The following AQP9 variants were observed in gnomAD, a reference collection of about 807,000 sequenced individuals.
AQP9 encodes the protein aquaporin 9, also known as aquaporin-9.
AQP9 carries 19 observed loss-of-function variants against 23.8 expected under a neutral mutation model. The ratio of observed to expected loss-of-function variants is 0.80; its 90% confidence interval spans 0.56 to 1.17. The LOEUF (loss-of-function observed/expected upper bound fraction) is 1.17, where lower values mean the gene tolerates loss of function less well. Among genes scored for constraint, AQP9 ranks in the 50% most tolerant of loss-of-function variants. AQP9 has a pLI of 0.00. For synonymous variants in AQP9, 153 were observed against 131.5 expected (o/e 1.16, Z -1.12); for missense variants, 413 against 362.0 (o/e 1.14, Z -1.14).
At chr15:58,182,356 A>T (rs865823519) in intron 5 of AQP9, among the ~76,000 whole-genome samples, 2 of 152,178 alleles carry the variant, frequency 1.3e-5, no homozygotes, top group South Asian at 4.1e-4. Flanking sequence ...GTGTGCATAT[A>T]GGACTAGGCT....
Position 58,138,501 on chromosome 15 carries a change from T to C in AQP9, c.-65T>C. 2.3e-6 allele frequency: 3 copies of C among 1,300,710 alleles called. No individual in the cohort carries two copies. In the South Asian group the frequency reaches 3.8e-5, roughly 16 times the overall value. The allele number at this position is 1,300,710 out of a possible 1,614,324, so 80.6% of individuals were successfully genotyped here. ...GTCAAAACGTCCATTTTCATCTGGC[T>C]GTGAAAGTGAGGACCACAACAGGTA... On this transcript the variant is annotated 5_prime_UTR_variant, in exon 1 of 6. Coordinates refer to ENST00000219919, the MANE Select transcript of AQP9 (RefSeq NM_020980.5).
chr15:58,155,004 T>C lies in AQP9; in HGVS notation c.112-11669T>C, dbSNP rs1898221345. ...CGCACCTGCTAATAAAAATTATTAG[T>C]CATTCATTCATTGATCTTCCCACAC... On this transcript the variant is annotated intron_variant, in intron 1 of 5. Transcript: ENST00000219919. The C allele has an allele frequency of 2.6e-5, 4 of 152,194 alleles. No homozygotes were observed. In the South Asian group the frequency reaches 8.3e-4, roughly 32 times the overall value. The allele number at this position is 152,194 out of a possible 1,614,324, so 9.4% of individuals were successfully genotyped here. A position where few individuals can be genotyped will look rare whatever the true frequency, so the allele number is the denominator to read the frequency against.
At chr15:58,139,384 A>G (rs1369715249) in intron 1 of AQP9, among the ~76,000 whole-genome samples, 2 of 152,204 alleles carry the variant, frequency 1.3e-5, no homozygotes, top group African/African-American at 2.4e-5. Flanking sequence ...TCAGCTATTA[A>G]CAAGAGACTG....
rs201050566 is a variant in AQP9 at position 58,179,277 on chromosome 15, G to A, written c.645G>A (p.Met215Ile). ...TGGGACTGAACAGTGGCTGTGCCAT[G>A]AACCCAGCTCGAGACCTGAGTCCCA... is the stretch of plus-strand genomic sequence containing the variant. ...SSLGLNSGCAMNPARDLSPRL... is the reference protein window; with the variant it reads ...SSLGLNSGCAINPARDLSPRL... The change falls in exon 5 of 6, where the codon ATG becomes ATA. Residue 215 changes from methionine (M) to isoleucine (I), a missense_variant. Coordinates refer to ENST00000219919, the MANE Select transcript of AQP9 (RefSeq NM_020980.5). 5 of 1,614,052 alleles carry A rather than the reference G, an allele frequency of 3.1e-6. No homozygotes were observed. The South Asian group carries it at 4.4e-5, about 14-fold the overall frequency.
chr15:58,171,186 C>T (rs772142306), intron 2 of AQP9, among the ~76,000 whole-genome samples: 1 of 151,746 alleles, frequency 6.6e-6, no homozygotes, highest in African/African-American at 2.4e-5. Flanking sequence ...CTCCTGGGTT[C>T]AAGCAATTAG....
At chr15:58,151,764 T>C (rs1898154564) in intron 1 of AQP9, 1 of 152,148 alleles carries the variant, frequency 6.6e-6, no homozygotes, top group Non-Finnish European at 1.5e-5. Flanking sequence ...AAAATACCTC[T>C]ATATGGACTT....
At chr15:58,171,278 G>A (rs529230439) in intron 2 of AQP9, among the ~76,000 whole-genome samples, 5 of 152,038 alleles carry the variant, frequency 3.3e-5, no homozygotes, top group Middle Eastern at 3.4e-3. Flanking sequence ...TAGTAGAGAC[G>A]GCGTTTCACC....
chr15:58,158,341 T>G (rs1318415276), intron 1 of AQP9, among the ~76,000 whole-genome samples: 1 of 152,186 alleles, frequency 6.6e-6, no homozygotes, highest in Non-Finnish European at 1.5e-5. Flanking sequence ...AAAACAGACC[T>G]GTGATCAAAT....
chr15:58,168,641 C>G (rs1250469561), intron 2 of AQP9, among the ~76,000 whole-genome samples: 1 of 152,156 alleles, frequency 6.6e-6, no homozygotes, highest in Non-Finnish European at 1.5e-5. Flanking sequence ...CAGAACTTTG[C>G]AACCTTGACC....
intron 1 of AQP9, chr15:58,154,945 A>G (rs74401249): frequency 6.6e-6 from 1 of 152,294 alleles, no homozygotes. Flanking sequence ...TTGTATTTCA[A>G]CTATAAGAAC....
intron 1 of AQP9, among the ~76,000 whole-genome samples, chr15:58,160,040 A>G (rs1898341210): frequency 6.6e-6 from 1 of 152,174 alleles, no homozygotes; most frequent in African/African-American, 2.4e-5. Flanking sequence ...GAAACTGCTG[A>G]ATCGTATGGC....
rs771798151 is a variant in AQP9, at chr15:58,175,055, A to G, written c.495+19A>G. On this transcript the variant is annotated intron_variant, in intron 4 of 5. Coordinates refer to ENST00000219919, the MANE Select transcript of AQP9 (RefSeq NM_020980.5). ...AGATCAAGTAAGTGTAGATTCAACA[A>G]AGACTTAACTTTGGTGAAAAGATAT... is the stretch of plus-strand genomic sequence containing the variant. The G allele has an allele frequency of 5.7e-6, 9 of 1,583,000 alleles. No homozygotes were observed. Among genetic ancestry groups the G allele is most frequent in the South Asian group, 1.1e-5 (1 of 90,382 alleles).
intron 3 of AQP9, 61 bp from the exon 4 acceptor site, chr15:58,174,857 C>T (rs1426818963): frequency 2.8e-6 from 4 of 1,424,936 alleles, no homozygotes; most frequent in Non-Finnish European, 3.0e-6. Flanking sequence ...CAAGGCTTGG[C>T]ACAGGCCTCC....
intron 2 of AQP9, among the ~76,000 whole-genome samples, chr15:58,172,527 C>T (rs111433236): frequency 6.6e-6 from 1 of 152,308 alleles, no homozygotes; most frequent in African/African-American, 2.4e-5. Context: ...GAACAAGCCA[C>T]TCACACTGTG....
At chr15:58,158,309 C>T (rs1453588181) in intron 1 of AQP9, among the ~76,000 whole-genome samples, 1 of 152,170 alleles carries the variant, frequency 6.6e-6, no homozygotes, top group Non-Finnish European at 1.5e-5. Flanking sequence ...TGTGTGACGG[C>T]TAAAAGTTCG....
At chr15:58,180,676 G>A (rs1007365066) in intron 5 of AQP9, among the ~76,000 whole-genome samples, 3 of 152,148 alleles carry the variant, frequency 2.0e-5, no homozygotes, top group Admixed American at 6.5e-5. Flanking sequence ...AACCAGAGGT[G>A]GGCAACTGTT....
chr15:58,155,185 G>C (rs938186549), intron 1 of AQP9: 2 of 152,124 alleles, frequency 1.3e-5, no homozygotes, highest in Admixed American at 1.3e-4. Context: ...TGTAAACTAC[G>C]GCTGAATAAT....
At chr15:58,143,910 T>C (rs1229179909) in intron 1 of AQP9, among the ~76,000 whole-genome samples, 1 of 152,214 alleles carries the variant, frequency 6.6e-6, no homozygotes, top group Non-Finnish European at 1.5e-5. Flanking sequence ...ATGTGTATTA[T>C]AAAATTGCTC....
At chr15:58,182,128 C>G (rs1898902279) in intron 5 of AQP9, among the ~76,000 whole-genome samples, 2 of 152,194 alleles carry the variant, frequency 1.3e-5, no homozygotes, top group African/African-American at 4.8e-5. Context: ...GCCAAAGACT[C>G]TTGGTTTTTC....
Sources: gnomAD v4.1 joint callset for allele counts (sites outside exome capture counted in the v4.1 genomes callset) on GRCh38, gnomAD v4.1.1 for gene constraint, MANE v1.5 for transcripts, NCBI Gene and HGNC (gene_info 2026-07-23, HGNC 2026-07-21) for gene names.